The following RABEPK variants were observed in gnomAD, a reference collection of about 807,000 sequenced individuals.
RABEPK encodes the protein Rab9 effector protein with kelch motifs.
A neutral mutation model predicts 34.1 loss-of-function variants in RABEPK; 27 were observed. That is an observed-to-expected ratio of 0.79 (90% CI 0.58 to 1.09). The LOEUF is 1.09. Among genes scored for constraint, RABEPK ranks in the 50% least tolerant of loss-of-function variants. RABEPK has a pLI of 0.00. For missense variants in RABEPK, 449 were observed against 462.6 expected (o/e 0.97, Z 0.27); for synonymous variants, 172 against 169.2 (o/e 1.02, Z -0.13).
intron 3 of RABEPK, among the ~76,000 whole-genome samples, chr9:125,211,934 G>A (rs1386295245): frequency 3.3e-5 from 5 of 151,444 alleles, no homozygotes; most frequent in African/African-American, 1.2e-4. Flanking sequence ...GCGCCAGTGC[G>A]CTCCAGCCTG....
At chr9:125,208,854 T>C (rs1335777956) in intron 3 of RABEPK, among the ~76,000 whole-genome samples, 1 of 151,900 alleles carries the variant, frequency 6.6e-6, no homozygotes, top group Non-Finnish European at 1.5e-5. Context: ...CTTATCTTTA[T>C]CCATGTCTGT....
rs754561836 is a variant in RABEPK at position 125,220,557 on chromosome 9, C to T, written c.383C>T (p.Thr128Met). ...VLNPETRTWTTPEVTSPPPSP... is the reference protein window; with the variant it reads ...VLNPETRTWTMPEVTSPPPSP... ...GGCCCAGAAACCAGGACGTGGACCA[C>T]GCCAGAAGTGACCAGCCCCCCACCA... The change falls in exon 5 of 8, where the codon ACG becomes ATG. Residue 128 changes from threonine (T) to methionine (M), a missense_variant. By Grantham distance (81) the Thr-to-Met change is moderately conservative (BLOSUM62 -1). Coordinates refer to ENST00000373538, the MANE Select transcript of RABEPK (RefSeq NM_005833.4). 1.3e-5 allele frequency: 21 copies of T among 1,613,822 alleles called. No individual in the cohort carries two copies. In the African/African-American group the frequency reaches 1.7e-4, roughly 13 times the overall value.
chr9:125,222,704 ACT>A lies in RABEPK; in HGVS notation c.526+2007_526+2008del, dbSNP rs1284501108. Reference sequence around the variant, plus strand: ...ACTCCAGCCTGGGTGAGGGAGCAAGACTCTGTATCAAAAAAAAAAAAAAAAAA... The same window carrying A: ...ACTCCAGCCTGGGTGAGGGAGCAAGACTGTATCAAAAAAAAAAAAAAAAAA... On this transcript the variant is annotated intron_variant, in intron 5 of 7. Transcript: ENST00000373538. 3.0e-5 allele frequency among the ~76,000 whole-genome samples: 4 copies of A among 134,348 alleles called. No homozygotes were observed. In the East Asian group the frequency reaches 8.6e-4, roughly 29 times the overall value. 88.1% of individuals were successfully genotyped at this position (134,348 alleles called of 152,430 possible).
chr9:125,219,382 A>T (rs1325254571), intron 4 of RABEPK, among the ~76,000 whole-genome samples: 5 of 149,298 alleles, frequency 3.3e-5, no homozygotes, highest in Admixed American at 1.3e-4. Context: ...TTTAATTTTT[A>T]ATTTATTTTA....
intron 4 of RABEPK, among the ~76,000 whole-genome samples, chr9:125,219,256 G>T (rs1831158374): frequency 7.1e-6 from 1 of 140,330 alleles, no homozygotes; most frequent in African/African-American, 2.7e-5. Flanking sequence ...GAGTGCAATG[G>T]CACGATCATA....
chr9:125,218,082 C>T (rs1389684523), intron 4 of RABEPK, among the ~76,000 whole-genome samples: 3 of 151,272 alleles, frequency 2.0e-5, no homozygotes, highest in African/African-American at 4.9e-5. Flanking sequence ...GAGGCCGAGG[C>T]GGGCAGATCA....
chr9:125,208,614 C>T (rs1318830517), intron 3 of RABEPK, among the ~76,000 whole-genome samples: 1 of 151,956 alleles, frequency 6.6e-6, no homozygotes, highest in Non-Finnish European at 1.5e-5. Flanking sequence ...CAGCTGACCG[C>T]AACCTGTGCC....
rs576962431 is a variant in RABEPK, at chr9:125,223,295, T to G, written c.526+2595T>G. The stretch of plus-strand genomic sequence containing the variant: ...TCTACTAAAAATACAAAAAATTAGC[T>G]GGACGTGGTGGCAGGTGCCTGCCTG... On this transcript the variant is annotated intron_variant, in intron 5 of 7. Coordinates refer to ENST00000373538, the MANE Select transcript of RABEPK (RefSeq NM_005833.4). 5.3e-5 allele frequency among the ~76,000 whole-genome samples: 8 copies of G among 151,520 alleles called. No individual in the cohort carries two copies. In the South Asian group the frequency reaches 1.7e-3, roughly 32 times the overall value.
In RABEPK at chr9:125,220,939, G is replaced by A. The variant is rs534642419; in HGVS notation, c.526+239G>A. On this transcript the variant is annotated intron_variant, in intron 5 of 7. Transcript: ENST00000373538. Reference sequence around the variant, plus strand: ...CCCAGAGCTTTGGAAGGCTGAGGCAGGTGGACCGCTTAAGGTCAGGAGTTC... The same window carrying A: ...CCCAGAGCTTTGGAAGGCTGAGGCAAGTGGACCGCTTAAGGTCAGGAGTTC... The A allele has an allele frequency of 2.1e-4, 94 of 444,656 alleles. 1 individual carries two copies. The highest frequency in any genetic ancestry group is 1.6e-3 in the African/African-American group (82 of 50,114). The allele number at this position is 444,656 out of a possible 1,614,324, so 27.5% of individuals were successfully genotyped here.
chr9:125,229,809 T>A (rs1278047412), intron 6 of RABEPK, among the ~76,000 whole-genome samples: 1 of 152,216 alleles, frequency 6.6e-6, no homozygotes, highest in Admixed American at 6.5e-5. Context: ...AAATATCCTT[T>A]AAGTATCTGA....
chr9:125,231,630 G>A (rs573938580), intron 6 of RABEPK, among the ~76,000 whole-genome samples: 1 of 152,016 alleles, frequency 6.6e-6, no homozygotes, highest in East Asian at 2.0e-4. Flanking sequence ...GTGAAACACC[G>A]TCTCTACTAA....
rs1832422864 is a variant in RABEPK at position 125,234,105 on chromosome 9, A to G, written c.*125A>G. 9.9e-6 allele frequency: 10 copies of G among 1,010,880 alleles called. No homozygotes were observed. The highest frequency in any genetic ancestry group is 1.6e-5 in the African/African-American group (1 of 61,784). 62.6% of individuals were successfully genotyped at this position (1,010,880 alleles called of 1,614,324 possible). A position where few individuals can be genotyped will look rare whatever the true frequency, so the allele number is the denominator to read the frequency against. ...GTTTTTCTCCTACTTTGGTAGGTGA[A>G]GAAACTAATGCAAATAATTCTTATG... On this transcript the variant is annotated 3_prime_UTR_variant, in exon 8 of 8. Transcript: ENST00000373538.
At chr9:125,212,896 C>T (rs1830680289) in intron 3 of RABEPK, among the ~76,000 whole-genome samples, 1 of 152,044 alleles carries the variant, frequency 6.6e-6, no homozygotes, top group African/African-American at 2.4e-5. Flanking sequence ...ATTCGATCTC[C>T]TGACCTCGTG....
At chr9:125,225,432 C>T (rs1358157137) in intron 5 of RABEPK, among the ~76,000 whole-genome samples, 1 of 152,018 alleles carries the variant, frequency 6.6e-6, no homozygotes, top group African/African-American at 2.4e-5. Context: ...GCCTGTAATC[C>T]CAGCACTTTG....
At chr9:125,201,458 T>C (rs1414046667) in intron 1 of RABEPK, among the ~76,000 whole-genome samples, 2 of 152,186 alleles carry the variant, frequency 1.3e-5, no homozygotes. Context: ...ATCCCAGAGC[T>C]CAGTATTTCT....
At chr9:125,227,694 G>A (rs1017783505) in intron 5 of RABEPK, among the ~76,000 whole-genome samples, 1 of 151,914 alleles carries the variant, frequency 6.6e-6, no homozygotes, top group Non-Finnish European at 1.5e-5. Flanking sequence ...GCCTCCCAAA[G>A]TGCTGGGATT....
chr9:125,232,441 G>A (rs924817365), intron 6 of RABEPK, among the ~76,000 whole-genome samples, 155 bp from the exon 7 acceptor site: 5 of 152,186 alleles, frequency 3.3e-5, no homozygotes, highest in Admixed American at 3.3e-4. Flanking sequence ...CAATCATAAT[G>A]TCAGAGTTCC....
intron 3 of RABEPK, among the ~76,000 whole-genome samples, chr9:125,210,904 C>T (rs1465394742): frequency 2.8e-5 from 4 of 142,498 alleles, no homozygotes; most frequent in African/African-American, 1.0e-4. Flanking sequence ...GAGGCACGAT[C>T]TTGGCTCACT....
rs771545313 is a variant in RABEPK at position 125,227,856 on chromosome 9, C to T, written c.527-54C>T. On this transcript the variant is annotated intron_variant, in intron 5 of 7. Coordinates refer to ENST00000373538, the MANE Select transcript of RABEPK (RefSeq NM_005833.4). ...GCTACAGAGGCTTGGGCCTGTTTCT[C>T]GTGTTCTTTTTTAATAGTTTTGCCA... 269 of 1,477,898 alleles carry T rather than the reference C, an allele frequency of 1.8e-4. 8 individuals carry two copies. The Middle Eastern group carries it at 0.013, about 74-fold the overall frequency. 91.5% of individuals were successfully genotyped at this position (1,477,898 alleles called of 1,614,324 possible).
Sources: allele counts gnomAD v4.1 joint callset (sites outside exome capture counted in the v4.1 genomes callset), GRCh38; gene constraint gnomAD v4.1.1; transcripts MANE v1.5; gene names NCBI Gene and HGNC (gene_info 2026-07-23, HGNC 2026-07-21).